KCNK9: variants seen among roughly 807,000 people sequenced by gnomAD.
The protein encoded by KCNK9 is potassium channel subfamily K member 9.
KCNK9 carries 1 observed loss-of-function variant against 10.8 expected under a neutral mutation model. That is an observed-to-expected ratio of 0.09 (90% CI 0.03 to 0.44). The LOEUF (loss-of-function observed/expected upper bound fraction) is 0.44. Among genes scored for constraint, KCNK9 ranks in the 20% least tolerant of loss-of-function variants. The pLI is 0.97. For synonymous variants in KCNK9, 231 were observed against 222.7 expected (o/e 1.04, Z -0.33); for missense variants, 303 against 515.0 (o/e 0.59, Z 3.98).
downstream of KCNK9, among the ~76,000 whole-genome samples, chr8:139,610,243 G>A (rs563412322): frequency 6.6e-6 from 1 of 152,306 alleles, no homozygotes; most frequent in South Asian, 2.1e-4. Context: ...CACCCTCAGA[G>A]GACCCTGTGC....
intron 1 of KCNK9, among the ~76,000 whole-genome samples, chr8:139,667,185 C>T (rs1816322446): frequency 6.6e-6 from 1 of 152,214 alleles, no homozygotes; most frequent in Non-Finnish European, 1.5e-5. Context: ...GGCCCTGATT[C>T]CCCCACCTAT....
intron 1 of KCNK9, among the ~76,000 whole-genome samples, chr8:139,656,784 G>C (rs1045592772): frequency 6.6e-6 from 1 of 152,074 alleles, no homozygotes; most frequent in South Asian, 2.1e-4. Flanking sequence ...TCTCTCACCC[G>C]GACAGAGGCC....
intron 1 of KCNK9, among the ~76,000 whole-genome samples, chr8:139,667,663 T>A (rs531173580): frequency 6.6e-6 from 1 of 152,186 alleles, no homozygotes; most frequent in Admixed American, 6.5e-5. Flanking sequence ...GCCACCGCAC[T>A]CCAACCTGGG....
chr8:139,630,398 C>T lies in KCNK9; in HGVS notation c.284-11299G>A, dbSNP rs62520181. On this transcript the variant is annotated intron_variant, in intron 1 of 1. Transcript: ENST00000520439. ...TGCAGAGTCCTGGGCTCTGCCGCCG[C>T]CGCCGCCCCCACCTCCCCGGGGCCT... Among the ~76,000 whole-genome samples the T allele has an allele frequency of 9.2e-3, 1,396 of 152,176 alleles. 11 individuals are homozygous for T. The highest frequency in any genetic ancestry group is 0.015 in the Non-Finnish European group (1,029 of 67,998).
intron 1 of KCNK9, among the ~76,000 whole-genome samples, chr8:139,671,586 C>T (rs1816428276): frequency 6.6e-6 from 1 of 150,394 alleles, no homozygotes; most frequent in Admixed American, 6.6e-5. Context: ...TCTCAGCTCA[C>T]TGCAACCTCT....
intron 1 of KCNK9, among the ~76,000 whole-genome samples, chr8:139,622,998 ATT>A (rs1161989339): frequency 2.0e-4 from 30 of 152,184 alleles, no homozygotes; most frequent in African/African-American, 7.0e-4. Flanking sequence ...ACCAGCAAAT[ATT>A]GTCTATGCAG....
chr8:139,666,273 T>C (rs772352742), intron 1 of KCNK9, among the ~76,000 whole-genome samples: 1 of 152,224 alleles, frequency 6.6e-6, no homozygotes, highest in Non-Finnish European at 1.5e-5. Flanking sequence ...TTTCCCCATC[T>C]GTAGAATGGA....
chr8:139,676,927 G>A lies in KCNK9; in HGVS notation c.283+25783C>T, dbSNP rs1235508365. The stretch of plus-strand genomic sequence containing the variant: ...AGATTGTGCCACTACACTCCAGCCT[G>A]GGTGACAGAGTGAGACTGTCTCAAA... On this transcript the variant is annotated intron_variant, in intron 1 of 1. Coordinates refer to ENST00000520439, the MANE Select transcript of KCNK9 (RefSeq NM_001282534.2). Among the ~76,000 whole-genome samples, 9 of 152,284 alleles carry A rather than the reference G, an allele frequency of 5.9e-5. No individual in the cohort carries two copies. The East Asian group carries it at 1.7e-3, about 29-fold the overall frequency.
At position 139,643,984 on chromosome 8, in the gene KCNK9, G is replaced by A. The variant is rs576560009; in HGVS notation, c.284-24885C>T. On this transcript the variant is annotated intron_variant, in intron 1 of 1. Coordinates refer to ENST00000520439, the MANE Select transcript of KCNK9 (RefSeq NM_001282534.2). ...GCCTAGATCCGGGCCCCATGAAGGC[G>A]GTGATTGTGGTCCCCACCTCTGCCA... 5.9e-5 allele frequency among the ~76,000 whole-genome samples: 9 copies of A among 152,288 alleles called. No individual in the cohort carries two copies. The South Asian group carries it at 1.0e-3, about 18-fold the overall frequency.
intron 1 of KCNK9, among the ~76,000 whole-genome samples, chr8:139,675,530 GC>G (rs1586683443): frequency 6.6e-6 from 1 of 152,154 alleles, no homozygotes; most frequent in Non-Finnish European, 1.5e-5. Context: ...GGAGAAGTCA[GC>G]CATCTGTAAC....
chr8:139,648,488 G>A (rs897593183), intron 1 of KCNK9, among the ~76,000 whole-genome samples: 1 of 152,228 alleles, frequency 6.6e-6, no homozygotes, highest in African/African-American at 2.4e-5. Flanking sequence ...GATGGCTGCC[G>A]CGTCACCCTG....
rs1351309540 is a variant in KCNK9 at position 139,618,323 on chromosome 8, T to C, written c.1060A>G (p.Ile354Val). 8 of 1,614,024 alleles carry C rather than the reference T, an allele frequency of 5.0e-6. No homozygotes were observed. The highest frequency in any genetic ancestry group is 5.9e-6 in the Non-Finnish European group (7 of 1,179,964). The part of the protein sequence containing the change: ...NSLFPSPISS[I>V]SPGLHSFTDH... ...GTAAAGCTGTGTAACCCAGGAGAGA[T>C]GGAGCTAATAGGCGATGGGAAGAGG... The change falls in exon 2 of 2, where the codon ATC becomes GTC. Residue 354 changes from isoleucine (I) to valine (V), a missense_variant. Coordinates refer to ENST00000520439, the MANE Select transcript of KCNK9 (RefSeq NM_001282534.2). This position sits in a 1 kb window ranked among gnomAD's most constrained non-coding sequence, Gnocchi z 7.9.
chr8:139,612,432 TGG>T (rs556019257), downstream of KCNK9: 6 of 152,086 alleles, frequency 3.9e-5, no homozygotes, highest in African/African-American at 1.4e-4. Flanking sequence ...TGAGGAGCTT[TGG>T]GGGGGCCAGG....
rs1039978687 is a variant in KCNK9 at position 139,693,055 on chromosome 8, C to T, written c.283+9655G>A. Among the ~76,000 whole-genome samples the T allele has an allele frequency of 3.3e-5, 5 of 152,144 alleles. No individual in the cohort carries two copies. The highest frequency in any genetic ancestry group is 1.3e-4 in the Admixed American group (2 of 15,276). On this transcript the variant is annotated intron_variant, in intron 1 of 1. Coordinates refer to ENST00000520439, the MANE Select transcript of KCNK9 (RefSeq NM_001282534.2). The surrounding 1 kb of genome is among the most constrained non-coding windows in gnomAD (Gnocchi z 4.1). ...CACCTGAGTTTTCACCCCAGCCCCA[C>T]CTGACAAGCTCATCCCAGATGTATG...
chr8:139,700,679 G>A (rs199208), intron 1 of KCNK9, among the ~76,000 whole-genome samples: 14,379 of 152,038 alleles, frequency 0.095, 811 homozygotes, highest in East Asian at 0.19. Flanking sequence ...AAGTCCCACA[G>A]CCCCTGAGGC....
At chr8:139,625,609 C>T (rs1400623659) in intron 1 of KCNK9, among the ~76,000 whole-genome samples, 1 of 152,200 alleles carries the variant, frequency 6.6e-6, no homozygotes, top group African/African-American at 2.4e-5. Context: ...CAGCATCACC[C>T]AGCCTGATTT....
chr8:139,701,205 G>A (rs1817210956), intron 1 of KCNK9, among the ~76,000 whole-genome samples: 1 of 152,228 alleles, frequency 6.6e-6, no homozygotes, highest in South Asian at 2.1e-4. Context: ...CACAGTGTGG[G>A]AAGGGAAGGA....
chr8:139,622,624 T>G (rs1586636963), intron 1 of KCNK9, among the ~76,000 whole-genome samples: 1 of 152,306 alleles, frequency 6.6e-6, no homozygotes, highest in African/African-American at 2.4e-5. Context: ...CCCCCAAACC[T>G]GCCTACGTGT....
intron 1 of KCNK9, among the ~76,000 whole-genome samples, chr8:139,692,192 C>T (rs1352142732): frequency 6.6e-6 from 1 of 152,250 alleles, no homozygotes; most frequent in East Asian, 1.9e-4. Flanking sequence ...AGCCCGTCTG[C>T]CTGCCCCACG....
Sources: allele counts gnomAD v4.1 joint callset (sites outside exome capture counted in the v4.1 genomes callset), GRCh38; gene constraint gnomAD v4.1.1; non-coding constraint Gnocchi (gnomAD v3.1); transcripts MANE v1.5; gene names NCBI Gene and HGNC (gene_info 2026-07-23, HGNC 2026-07-21).